The following NR5A2 variants were observed in gnomAD, a reference collection of about 807,000 sequenced individuals.
The protein encoded by NR5A2 is nuclear receptor subfamily 5 group A member 2, also known as CYP7A promoter-binding factor.
NR5A2 carries 26 observed loss-of-function variants against 62.7 expected under a neutral mutation model. The observed-to-expected ratio is 0.41, with a 90% confidence interval of 0.30 to 0.58. The LOEUF is 0.58. NR5A2 is among the 20% of genes least tolerant of loss of function. The pLI is 0.22. For missense variants in NR5A2, 541 were observed against 669.1 expected, an observed-to-expected ratio of 0.81 and a Z score of 2.11; for synonymous variants, 246 against 241.7, an observed-to-expected ratio of 1.02 and a Z score of -0.16.
At chr1:200,083,179 A>G (rs2102237981) in intron 5 of NR5A2, among the ~76,000 whole-genome samples, 1 of 152,338 alleles carries the variant, frequency 6.6e-6, no homozygotes, top group African/African-American at 2.4e-5. Context: ...ATTATTGTAT[A>G]AGCAATTTTA....
intron 5 of NR5A2, among the ~76,000 whole-genome samples, chr1:200,073,004 A>C (rs925006864): frequency 4.6e-5 from 7 of 152,142 alleles, no homozygotes; most frequent in Admixed American, 3.9e-4. Context: ...TCTAGGTGAC[A>C]CAAGATGTGA....
intron 5 of NR5A2, among the ~76,000 whole-genome samples, chr1:200,083,197 G>C (rs1664371007): frequency 6.6e-6 from 1 of 151,966 alleles, no homozygotes; most frequent in Non-Finnish European, 1.5e-5. Flanking sequence ...TTATTTTTCT[G>C]GGTTTACCTA....
At position 200,175,425 on chromosome 1, in the gene NR5A2, G is replaced by A. The variant is rs1256980254; in HGVS notation, c.*1215G>A. 2.0e-5 allele frequency: 3 copies of A among 152,658 alleles called. No homozygotes were observed. The highest frequency in any genetic ancestry group is 4.4e-5 in the Non-Finnish European group (3 of 68,036). 9.5% of individuals were successfully genotyped at this position (152,658 alleles called of 1,614,324 possible). On this transcript the variant is annotated 3_prime_UTR_variant, in exon 8 of 8. Transcript: ENST00000367362. ...GTGATACTGACCTTTTTAAGTCATA[G>A]ACCAAAGTCTGCTGTAGAACAAATA...
intron 7 of NR5A2, among the ~76,000 whole-genome samples, chr1:200,133,478 TATA>T (rs1364360856): frequency 6.7e-6 from 1 of 149,756 alleles, no homozygotes; most frequent in African/African-American, 2.5e-5. Context: ...TCAAGCGTTA[TATA>T]ATGATGTTTT....
At position 200,106,829 on chromosome 1, in the gene NR5A2, G is replaced by A. The variant is rs565298856; in HGVS notation, c.1111-4373G>A. 1.4e-4 allele frequency among the ~76,000 whole-genome samples: 21 copies of A among 152,182 alleles called. No individual in the cohort carries two copies. The East Asian group carries it at 3.1e-3, about 22-fold the overall frequency. On this transcript the variant is annotated intron_variant, in intron 5 of 7. Coordinates refer to ENST00000367362, the MANE Select transcript of NR5A2 (RefSeq NM_205860.3). Reference sequence around the variant, plus strand: ...TGTTGAGAACAAGGGAACAAGCCAGGCATCACATTTACCCTATTTTTTTTA... The same window carrying A: ...TGTTGAGAACAAGGGAACAAGCCAGACATCACATTTACCCTATTTTTTTTA...
In NR5A2 at chr1:200,048,097, A is replaced by C. The variant is rs553878383; in HGVS notation, c.464-75A>C. ...CCACTTCTTGTCGATTTACATTTCTAAATATCTGAAGAATGCTAATAATTT... is the reference window on the plus strand; with the variant it reads ...CCACTTCTTGTCGATTTACATTTCTCAATATCTGAAGAATGCTAATAATTT... On this transcript the variant is annotated intron_variant, in intron 4 of 7. Transcript: ENST00000367362. This position sits in a 1 kb window ranked among gnomAD's most constrained non-coding sequence, Gnocchi z 4.8. 2.2e-6 allele frequency: 3 copies of C among 1,346,872 alleles called. No individual in the cohort carries two copies. In the Admixed American group the frequency reaches 6.8e-5, roughly 30 times the overall value. 83.4% of individuals were successfully genotyped at this position (1,346,872 alleles called of 1,614,324 possible). A position where few individuals can be genotyped will look rare whatever the true frequency, so the allele number is the denominator to read the frequency against.
chr1:200,146,184 C>G (rs1045004978), intron 7 of NR5A2, among the ~76,000 whole-genome samples: 2 of 152,182 alleles, frequency 1.3e-5, no homozygotes, highest in Non-Finnish European at 1.5e-5. Context: ...TCTAATTTGC[C>G]ATTCACTTGC....
At chr1:200,061,687 A>G (rs1481710592) in intron 5 of NR5A2, among the ~76,000 whole-genome samples, 10 of 152,316 alleles carry the variant, frequency 6.6e-5, no homozygotes, top group Non-Finnish European at 1.3e-4. Flanking sequence ...TCTGTCCTTT[A>G]TTGTGCAATA....
chr1:200,155,144 C>A (rs1653317289), intron 7 of NR5A2, among the ~76,000 whole-genome samples: 1 of 152,120 alleles, frequency 6.6e-6, no homozygotes. Flanking sequence ...ACTTCCACCA[C>A]CAACCAATGC....
chr1:200,088,569 G>T (rs1664668074), intron 5 of NR5A2, among the ~76,000 whole-genome samples: 1 of 152,090 alleles, frequency 6.6e-6, no homozygotes, highest in Non-Finnish European at 1.5e-5. Flanking sequence ...CCAGCCCCTT[G>T]TTATTTAAAT....
At chr1:200,094,124 A>C (rs71633890) in intron 5 of NR5A2, among the ~76,000 whole-genome samples, 13 of 151,932 alleles carry the variant, frequency 8.6e-5, no homozygotes, top group African/African-American at 2.9e-4. Context: ...AACCAAGATC[A>C]CGCCACTGCA....
intron 5 of NR5A2, among the ~76,000 whole-genome samples, chr1:200,097,339 C>G (rs532010566): frequency 2.0e-5 from 3 of 152,180 alleles, no homozygotes; most frequent in Admixed American, 6.5e-5. Flanking sequence ...GGAAGGGATA[C>G]AGTTCTGTCT....
In NR5A2 at chr1:200,066,270, A is replaced by G. The variant is rs142081197; in HGVS notation, c.1110+17452A>G. ...AAAGCTGATAGAATTTGCCAAAAAG[A>G]CTTTGAGAGAAGATGAGGCAGGCAG... is the stretch of plus-strand genomic sequence containing the variant. On this transcript the variant is annotated intron_variant, in intron 5 of 7. Transcript: ENST00000367362. Among the ~76,000 whole-genome samples, 264 of 152,240 alleles carry G rather than the reference A, an allele frequency of 1.7e-3. 1 individual carries two copies. The highest frequency in any genetic ancestry group is 5.8e-3 in the African/African-American group (242 of 41,532).
Position 200,039,707 on chromosome 1 carries a change from C to T in NR5A2, c.114C>T (p.Arg38=), listed in dbSNP as rs746752939. Residue 38 remains arginine (R), a synonymous_variant, in exon 2 of 8, where the codon CGC becomes CGT. Transcript: ENST00000367362. The surrounding 1 kb of genome is among the most constrained non-coding windows in gnomAD (Gnocchi z 5.1). Reference sequence around the variant, plus strand: ...GATCCCCCATCCCCGCCCGCGGTCGCCTTGTCATGCTGCCCAAAGTGGAGA... The same window carrying T: ...GATCCCCCATCCCCGCCCGCGGTCGTCTTGTCATGCTGCCCAAAGTGGAGA... ...RHGSPIPARG[R]LVMLPKVETE... The T allele has an allele frequency of 6.2e-7, 1 of 1,611,574 alleles. No homozygotes were observed. Among genetic ancestry groups the T allele is most frequent in the Non-Finnish European group, 8.5e-7 (1 of 1,178,934 alleles).
intron 5 of NR5A2, 27 bp from the exon 6 acceptor site, chr1:200,111,171 TTTTG>T (rs751656809): frequency 1.7e-5 from 27 of 1,597,550 alleles, no homozygotes; most frequent in East Asian, 8.9e-5. Flanking sequence ...TTTTTGTTTT[TTTTG>T]TTTGTTTGTT....
chr1:200,043,406 A>T (rs1044690274), intron 2 of NR5A2, among the ~76,000 whole-genome samples: 5 of 152,246 alleles, frequency 3.3e-5, no homozygotes, highest in Non-Finnish European at 7.3e-5. Context: ...GGCGAAGGTG[A>T]CATTTTGGAA....
intron 6 of NR5A2, among the ~76,000 whole-genome samples, chr1:200,112,637 C>T (rs545877146): frequency 1.3e-5 from 2 of 152,334 alleles, no homozygotes; most frequent in South Asian, 4.1e-4. Flanking sequence ...CAAGCATCTC[C>T]ATCACTATCT....
intron 1 of NR5A2, 79 bp downstream of exon 1, chr1:200,027,990 G>T (rs1661406366): frequency 4.9e-6 from 5 of 1,015,566 alleles, no homozygotes; most frequent in Non-Finnish European, 7.2e-6. Context: ...GATGGATTTT[G>T]CATTTTAAGT....
intron 7 of NR5A2, among the ~76,000 whole-genome samples, chr1:200,172,130 A>G (rs1007302403): frequency 6.6e-6 from 1 of 152,134 alleles, no homozygotes; most frequent in African/African-American, 2.4e-5. Flanking sequence ...CTGCATTTCA[A>G]ATTTTTAATA....
Sources: gnomAD v4.1 joint callset for allele counts (sites outside exome capture counted in the v4.1 genomes callset) on GRCh38, gnomAD v4.1.1 for gene constraint, Gnocchi (gnomAD v3.1) non-coding constraint, MANE v1.5 for transcripts, NCBI Gene and HGNC (gene_info 2026-07-23, HGNC 2026-07-21) for gene names.